LRIG1: variants seen among roughly 807,000 people sequenced by gnomAD.
LRIG1 encodes leucine rich repeats and immunoglobulin like domains 1, also known as leucine-rich repeats and immunoglobulin-like domains protein 1.
A neutral mutation model predicts 99.2 loss-of-function variants in LRIG1; 48 were observed. The observed-to-expected ratio is 0.48, with a 90% CI of 0.38 to 0.62. The LOEUF (loss-of-function observed/expected upper bound fraction) is 0.62, where lower values mean the gene tolerates loss of function less well. LRIG1 is among the 20% of genes least tolerant of loss of function. The pLI is 0.00. For synonymous variants in LRIG1, 772 were observed against 596.1 expected (o/e 1.29, Z -4.30); for missense variants, 1,646 against 1,434.4 (o/e 1.15, Z -2.38).
chr3:66,469,907 CAAAAAAAAA>C (rs55768550), intron 1 of LRIG1, among the ~76,000 whole-genome samples: 3 of 115,808 alleles, frequency 2.6e-5, no homozygotes, highest in East Asian at 2.4e-4. Flanking sequence ...CTGTCCCTAC[CAAAAAAAAA>C]AAAAAAAAAA....
chr3:66,443,869 C>T (rs1703629203), intron 3 of LRIG1, among the ~76,000 whole-genome samples: 1 of 152,192 alleles, frequency 6.6e-6, no homozygotes, highest in Non-Finnish European at 1.5e-5. Context: ...GACCTGACCA[C>T]AGTTCCCAGG....
At chr3:66,478,213 C>T (rs984648267) in intron 1 of LRIG1, among the ~76,000 whole-genome samples, 6 of 152,172 alleles carry the variant, frequency 3.9e-5, no homozygotes, top group African/African-American at 9.7e-5. Context: ...TTTGGTTCTA[C>T]GTTTTTGCTT....
chr3:66,404,036 G>A (rs541458502), intron 9 of LRIG1, among the ~76,000 whole-genome samples: 1 of 152,292 alleles, frequency 6.6e-6, no homozygotes, highest in African/African-American at 2.4e-5. Context: ...AATCAGCATT[G>A]TTTTAGGGAC....
At chr3:66,446,964 G>A (rs566766427) in intron 3 of LRIG1, among the ~76,000 whole-genome samples, 2 of 151,882 alleles carry the variant, frequency 1.3e-5, no homozygotes, top group South Asian at 2.1e-4. Flanking sequence ...GTGGGTTGGG[G>A]GGTGATGAAA....
At chr3:66,399,641 A>T (rs1206794086) in intron 9 of LRIG1, among the ~76,000 whole-genome samples, 3 of 152,146 alleles carry the variant, frequency 2.0e-5, no homozygotes, top group Non-Finnish European at 4.4e-5. Flanking sequence ...GGAGACACGC[A>T]CCAGTAGTCG....
chr3:66,403,802 G>A (rs1702156430), intron 9 of LRIG1, among the ~76,000 whole-genome samples: 2 of 152,186 alleles, frequency 1.3e-5, no homozygotes, highest in Non-Finnish European at 1.5e-5. Flanking sequence ...TGGCAGTGCT[G>A]CCCACTCTCA....
At chr3:66,424,135 G>A (rs1029699197) in intron 3 of LRIG1, among the ~76,000 whole-genome samples, 5 of 152,124 alleles carry the variant, frequency 3.3e-5, no homozygotes, top group South Asian at 4.2e-4. Flanking sequence ...CAGCCACTGG[G>A]AAGACCCCAC....
intron 1 of LRIG1, among the ~76,000 whole-genome samples, chr3:66,493,923 GAA>G (rs375721323): frequency 1.4e-5 from 2 of 138,078 alleles, no homozygotes; most frequent in African/African-American, 5.4e-5. Context: ...AGGGAGGAGA[GAA>G]AGAAAAAAGA....
At position 66,407,466 on chromosome 3, in the gene LRIG1, G is replaced by T; in HGVS notation, c.961C>A (p.Arg321=). ...ELVLSFNNLT[R]LDEESLAELS... ...TCGGCCAGGCTCTCCTCGTCCAGCC[G>T]TGTCAGGTTGTTGAAGGACAGGACC... is the stretch of plus-strand genomic sequence containing the variant. Residue 321 remains arginine (R), a synonymous_variant, in exon 8 of 19, where the codon CGG becomes AGG. Transcript: ENST00000273261. 6.2e-7 allele frequency: 1 copy of T among 1,614,040 alleles called. No individual in the cohort carries two copies. The highest frequency in any genetic ancestry group is 8.5e-7 in the Non-Finnish European group (1 of 1,180,040).
chr3:66,382,285 T>A lies in LRIG1; in HGVS notation c.2605A>T (p.Ile869Phe). The A allele has an allele frequency of 4.3e-6, 7 of 1,614,208 alleles. No homozygotes were observed. Among genetic ancestry groups the A allele is most frequent in the Non-Finnish European group, 5.9e-6 (7 of 1,180,026 alleles). Residue 869 changes from isoleucine to phenylalanine, a missense_variant, in exon 16 of 19, where the codon ATT becomes TTT. Coordinates refer to ENST00000273261, the MANE Select transcript of LRIG1 (RefSeq NM_015541.3). ...TEGGPQANGH[I>F]ESNGVCPRDA... ...ACTGAGGCCTTACCATTGCTCTCAA[T>A]GTGCCCATTGGCCTGAGGGCCACCC... is the stretch of plus-strand genomic sequence containing the variant.
intron 1 of LRIG1, among the ~76,000 whole-genome samples, chr3:66,465,244 T>C (rs908787191): frequency 3.3e-5 from 5 of 152,054 alleles, no homozygotes; most frequent in African/African-American, 9.7e-5. Context: ...AATAGGTTTA[T>C]TGGGAAATAA....
At chr3:66,440,156 T>C (rs1348150333) in intron 3 of LRIG1, among the ~76,000 whole-genome samples, 2 of 152,184 alleles carry the variant, frequency 1.3e-5, no homozygotes. Context: ...AGCTTTTGGC[T>C]GCACACTGAA....
chr3:66,475,979 A>G (rs1575721576), intron 1 of LRIG1, among the ~76,000 whole-genome samples: 1 of 152,256 alleles, frequency 6.6e-6, no homozygotes, highest in East Asian at 1.9e-4. Flanking sequence ...CTTTTCTTCC[A>G]TTTCCATACA....
At position 66,500,246 on chromosome 3, in the gene LRIG1, G is replaced by A; in HGVS notation, c.162C>T (p.Cys54=). The change falls in exon 1 of 19, where the codon TGC becomes TGT. Residue 54 remains cysteine, a synonymous_variant. Coordinates refer to ENST00000273261, the MANE Select transcript of LRIG1 (RefSeq NM_015541.3). ...ACTCAGDSLD[C]GGRGLAALPG... ...GCAACGCAGCCAGCCCGCGCCCACCGCAGTCCAGCGAGTCCCCAGCGCAAG... is the reference window on the plus strand; with the variant it reads ...GCAACGCAGCCAGCCCGCGCCCACCACAGTCCAGCGAGTCCCCAGCGCAAG... The A allele has an allele frequency of 2.6e-6, 4 of 1,510,082 alleles. No homozygotes were observed. Among genetic ancestry groups the A allele is most frequent in the Non-Finnish European group, 3.5e-6 (4 of 1,135,988 alleles). 93.5% of individuals were successfully genotyped at this position (1,510,082 alleles called of 1,614,324 possible). A position where few individuals can be genotyped will look rare whatever the true frequency, so the allele number is the denominator to read the frequency against.
Position 66,500,695 on chromosome 3 carries a change from C to T in LRIG1, c.-288G>A, listed in dbSNP as rs1575741455. 8.3e-6 allele frequency: 2 copies of T among 240,202 alleles called. No homozygotes were observed. Among genetic ancestry groups the T allele is most frequent in the East Asian group, 8.0e-5 (1 of 12,526 alleles). The allele number at this position is 240,202 out of a possible 1,614,324, so 14.9% of individuals were successfully genotyped here. On this transcript the variant is annotated 5_prime_UTR_variant, in exon 1 of 19. Transcript: ENST00000273261. ...GCCGATTCGGGCAAGGTGTACCCAGCCTGCGCTCTTCGTCCGCCCGGGGCA... is the reference window on the plus strand; with the variant it reads ...GCCGATTCGGGCAAGGTGTACCCAGTCTGCGCTCTTCGTCCGCCCGGGGCA...
intron 2 of LRIG1, among the ~76,000 whole-genome samples, chr3:66,454,911 G>A (rs1158623652): frequency 6.6e-6 from 1 of 152,080 alleles, no homozygotes; most frequent in East Asian, 1.9e-4. Flanking sequence ...AATCAAATTT[G>A]GCTTCAACAA....
intron 2 of LRIG1, among the ~76,000 whole-genome samples, chr3:66,458,623 A>G (rs966772949): frequency 6.6e-6 from 1 of 152,066 alleles, no homozygotes; most frequent in Admixed American, 6.6e-5. Flanking sequence ...AATCACTTGA[A>G]CCCAGGAGGT....
intron 17 of LRIG1, 148 bp from the exon 18 acceptor site, chr3:66,381,009 TCCC>T: frequency 1.3e-6 from 1 of 754,202 alleles, no homozygotes; most frequent in South Asian, 1.8e-5. Context: ...CCCAACTATG[TCCC>T]CAGAGAAAGG....
rs6766196 is a variant in LRIG1, at chr3:66,497,744, C to G, written c.218+2446G>C. Among the ~76,000 whole-genome samples the G allele has an allele frequency of 6.0e-3, 843 of 141,604 alleles. 4 individuals are homozygous for G. Among genetic ancestry groups the G allele is most frequent in the African/African-American group, 0.021 (790 of 37,870 alleles). The allele number at this position is 141,604 out of a possible 152,430, so 92.9% of individuals were successfully genotyped here. A position where few individuals can be genotyped will look rare whatever the true frequency, so the allele number is the denominator to read the frequency against. ...AAAAAAAAAAGGTCCCATAAAGCCA[C>G]AGGTCCTCTGCTATCTCAAACCCAC... On this transcript the variant is annotated intron_variant, in intron 1 of 18. Transcript: ENST00000273261.
Sources: allele counts gnomAD v4.1 joint callset (sites outside exome capture counted in the v4.1 genomes callset), GRCh38; gene constraint gnomAD v4.1.1; transcripts MANE v1.5; gene names NCBI Gene and HGNC (gene_info 2026-07-23, HGNC 2026-07-21).